The following SNX29 variants were observed in gnomAD, a reference collection of about 807,000 sequenced individuals.
SNX29 encodes the protein sorting nexin 29, also known as sorting nexin-29.
In SNX29, 78 loss-of-function variants were observed where a neutral mutation model predicts 102.1. The observed-to-expected ratio is 0.76, with a 90% CI of 0.64 to 0.92. SNX29 has a LOEUF of 0.92. Ranked by LOEUF, SNX29 falls within the 40% of genes least tolerant of loss-of-function variation. The pLI, the probability that SNX29 is intolerant of heterozygous loss-of-function variation, is 0.00. For missense variants in SNX29, 1,280 were observed against 1,061.7 expected (o/e 1.21, Z -2.86); for synonymous variants, 580 against 414.5 (o/e 1.40, Z -4.85).
intron 18 of SNX29, among the ~76,000 whole-genome samples, chr16:12,429,083 T>G (rs1042701295): frequency 1.7e-4 from 26 of 152,310 alleles, no homozygotes; most frequent in Admixed American, 1.4e-3. Flanking sequence ...ATCTCCTAGT[T>G]AATTACAACA....
chr16:12,290,189 A>G (rs892060237), intron 15 of SNX29, among the ~76,000 whole-genome samples: 2 of 152,190 alleles, frequency 1.3e-5, no homozygotes, highest in African/African-American at 2.4e-5. Context: ...TTCACATGTT[A>G]AAGTAAGCCT....
intron 18 of SNX29, among the ~76,000 whole-genome samples, chr16:12,435,995 G>A (rs977957818): frequency 2.0e-5 from 3 of 152,204 alleles, no homozygotes; most frequent in African/African-American, 4.8e-5. Context: ...CTTGGGGTTG[G>A]ATTTTGGGTC....
intron 2 of SNX29, among the ~76,000 whole-genome samples, chr16:12,001,616 C>T (rs1263857586): frequency 6.6e-6 from 1 of 151,296 alleles, no homozygotes; most frequent in Non-Finnish European, 1.5e-5. Context: ...CACACATATA[C>T]ACATACACAC....
chr16:12,411,288 G>T (rs2084388323), intron 18 of SNX29, among the ~76,000 whole-genome samples: 1 of 152,204 alleles, frequency 6.6e-6, no homozygotes, highest in Admixed American at 6.5e-5. Flanking sequence ...ATCCCAGCCA[G>T]TGTGGGCTCC....
intron 19 of SNX29, among the ~76,000 whole-genome samples, chr16:12,523,275 A>G (rs758529908): frequency 6.6e-6 from 1 of 152,210 alleles, no homozygotes; most frequent in African/African-American, 2.4e-5. Context: ...TGGGCGAGGT[A>G]CCGAGGCCCA....
intron 19 of SNX29, among the ~76,000 whole-genome samples, chr16:12,519,806 G>A (rs535297405): frequency 8.9e-4 from 136 of 152,100 alleles, no homozygotes; most frequent in Non-Finnish European, 1.7e-3. Flanking sequence ...GCAGGAGTTC[G>A]AGACCAGCCT....
chr16:12,299,091 G>A (rs930403373), intron 15 of SNX29, among the ~76,000 whole-genome samples: 2 of 151,994 alleles, frequency 1.3e-5, no homozygotes, highest in African/African-American at 4.8e-5. Flanking sequence ...CTTGAGGTCA[G>A]GAGTTCGAGA....
At position 12,572,184 on chromosome 16, in the gene SNX29, C is replaced by A. The variant is rs1044696366; in HGVS notation, c.*3555C>A. 10 of 964,484 alleles carry A rather than the reference C, an allele frequency of 1.0e-5. No individual in the cohort carries two copies. The highest frequency in any genetic ancestry group is 5.4e-5 in the Admixed American group (1 of 18,494). 59.7% of individuals were successfully genotyped at this position (964,484 alleles called of 1,614,324 possible). A position where few individuals can be genotyped will look rare whatever the true frequency, so the allele number is the denominator to read the frequency against. Reference sequence around the variant, plus strand: ...TTGATAACCATGTAATTTCTTAGAACCATGGCAGGTAGTATTGTGCTTTAA... The same window carrying A: ...TTGATAACCATGTAATTTCTTAGAAACATGGCAGGTAGTATTGTGCTTTAA... On this transcript the variant is annotated 3_prime_UTR_variant, in exon 21 of 21. Transcript: ENST00000566228.
chr16:12,108,154 T>C (rs764916277), intron 11 of SNX29, among the ~76,000 whole-genome samples: 1 of 152,206 alleles, frequency 6.6e-6, no homozygotes, highest in African/African-American at 2.4e-5. Context: ...GGACAATCTT[T>C]AGGGTAGGAG....
chr16:12,572,340 C>T lies in SNX29; in HGVS notation c.*3711C>T, dbSNP rs1470818013. The T allele has an allele frequency of 6.6e-6, 7 of 1,063,032 alleles. No individual in the cohort carries two copies. In the African/African-American group the frequency reaches 1.1e-4, roughly 17 times the overall value. 65.8% of individuals were successfully genotyped at this position (1,063,032 alleles called of 1,614,324 possible). A position where few individuals can be genotyped will look rare whatever the true frequency, so the allele number is the denominator to read the frequency against. On this transcript the variant is annotated 3_prime_UTR_variant, in exon 21 of 21. Coordinates refer to ENST00000566228, the MANE Select transcript of SNX29 (RefSeq NM_032167.5). The stretch of plus-strand genomic sequence containing the variant: ...AACAGGAGTGAAGCCCACCAGCCTG[C>T]CTGGTTGATGGACAGCAGGCTCTGC...
chr16:12,306,391 A>C (rs1457177465), intron 15 of SNX29, among the ~76,000 whole-genome samples: 1 of 151,880 alleles, frequency 6.6e-6, no homozygotes, highest in Admixed American at 6.6e-5. Context: ...TCAGGTTGTT[A>C]AGGCCACAGA....
At chr16:12,545,242 C>G (rs1046112494) in intron 20 of SNX29, among the ~76,000 whole-genome samples, 21 of 152,154 alleles carry the variant, frequency 1.4e-4, no homozygotes, top group African/African-American at 5.1e-4. Flanking sequence ...GGCCTCTGTT[C>G]TCAAGTGGCT....
At chr16:12,051,572 T>C (rs1287133758) in intron 7 of SNX29, among the ~76,000 whole-genome samples, 3 of 152,166 alleles carry the variant, frequency 2.0e-5, no homozygotes, top group Non-Finnish European at 4.4e-5. Flanking sequence ...TTGGTAATGG[T>C]AGCATCCTTC....
At chr16:12,391,884 G>A (rs1405259348) in intron 16 of SNX29, among the ~76,000 whole-genome samples, 2 of 152,142 alleles carry the variant, frequency 1.3e-5, no homozygotes, top group African/African-American at 4.8e-5. Context: ...TTGCGTGATT[G>A]TTACGTTGAT....
intron 3 of SNX29, among the ~76,000 whole-genome samples, chr16:12,009,268 G>C (rs1164961098): frequency 6.6e-6 from 1 of 152,120 alleles, no homozygotes; most frequent in Non-Finnish European, 1.5e-5. Context: ...TTCGAGTAGA[G>C]ACAGTGCTAG....
chr16:12,247,610 C>T (rs953838670), intron 14 of SNX29, among the ~76,000 whole-genome samples: 3 of 152,186 alleles, frequency 2.0e-5, no homozygotes, highest in African/African-American at 7.2e-5. Context: ...GTTCCATTTA[C>T]CAAGTGCTCA....
At chr16:12,157,732 C>T (rs1320756307) in intron 13 of SNX29, among the ~76,000 whole-genome samples, 1 of 152,070 alleles carries the variant, frequency 6.6e-6, no homozygotes, top group Non-Finnish European at 1.5e-5. Flanking sequence ...TGTCCCTGAC[C>T]CCAAATTCCT....
intron 19 of SNX29, among the ~76,000 whole-genome samples, chr16:12,510,280 T>C (rs1191458361): frequency 6.6e-6 from 1 of 152,194 alleles, no homozygotes; most frequent in African/African-American, 2.4e-5. Context: ...GAGGGGTGTG[T>C]GCCTTGTGCT....
intron 20 of SNX29, among the ~76,000 whole-genome samples, chr16:12,532,414 C>T (rs188293136): frequency 6.5e-4 from 99 of 152,264 alleles, no homozygotes; most frequent in African/African-American, 3.6e-4. Flanking sequence ...TATATTCATT[C>T]TAGGCTGTCG....
Sources: gnomAD v4.1 joint callset for allele counts (sites outside exome capture counted in the v4.1 genomes callset) on GRCh38, gnomAD v4.1.1 for gene constraint, MANE v1.5 for transcripts, NCBI Gene and HGNC (gene_info 2026-07-23, HGNC 2026-07-21) for gene names.